The following FCRL5 variants were observed in gnomAD, a reference collection of about 807,000 sequenced individuals.
FCRL5 encodes the protein Fc receptor like 5.
FCRL5 carries 79 observed loss-of-function variants against 92.1 expected under a neutral mutation model. The observed-to-expected ratio is 0.86, with a 90% CI of 0.72 to 1.03. FCRL5 has a LOEUF of 1.03. Among genes scored for constraint, FCRL5 ranks in the 50% least tolerant of loss-of-function variants. The probability of loss-of-function intolerance (pLI) is 0.00; values close to 1 mark genes in which losing one functional copy is unlikely to be tolerated. For missense variants in FCRL5, 1,160 were observed against 1,181.1 expected (o/e 0.98, Z 0.26); for synonymous variants, 466 against 469.3 (o/e 0.99, Z 0.09).
intron 3 of FCRL5, 120 bp downstream of exon 3, chr1:157,546,823 C>A (rs1488378317): frequency 1.4e-5 from 17 of 1,256,770 alleles, no homozygotes; most frequent in Non-Finnish European, 1.8e-5. Flanking sequence ...CCTTGTCTTA[C>A]CACAGTGTGA....
intron 2 of FCRL5, 124 bp downstream of exon 2, chr1:157,549,435 TA>T (rs940704573): frequency 1.3e-4 from 115 of 882,240 alleles, no homozygotes; most frequent in African/African-American, 2.2e-4. Context: ...TAAAGTATAA[TA>T]AAAAAAAGGA....
Position 157,534,737 on chromosome 1 carries a change from G to C in FCRL5, c.1558C>G (p.Pro520Ala), listed in dbSNP as rs371345061. 10 of 1,614,010 alleles carry C rather than the reference G, an allele frequency of 6.2e-6. No homozygotes were observed. Among genetic ancestry groups the C allele is most frequent in the Non-Finnish European group, 7.6e-6 (9 of 1,180,022 alleles). ...CTGAAGGACACTCTTCCCACAGAGG[G>C]TGTTGAGCTGCTCCACAGGGGCATG... ...EDMPLWSSST[P>A]SVGRVSFSFS... The change falls in exon 8 of 17, where the codon CCC becomes GCC. Residue 520 changes from proline to alanine, a missense_variant. Coordinates refer to ENST00000361835, the MANE Select transcript of FCRL5 (RefSeq NM_031281.3).
chr1:157,539,234 A>C lies in FCRL5; in HGVS notation c.1254T>G (p.Gly418=). Residue 418 remains glycine (G), a synonymous_variant, in exon 7 of 17, where the codon GGT becomes GGG. Coordinates refer to ENST00000361835, the MANE Select transcript of FCRL5 (RefSeq NM_031281.3). ...LPILYQFHHE[G]AALERRSANS... ...TGGCCGACCTACGCTCCAGGGCAGC[A>C]CCCTCATGATGAAACTGGTACAGGA... 1 of 1,614,218 alleles carries C rather than the reference A, an allele frequency of 6.2e-7. No homozygotes were observed. The highest frequency in any genetic ancestry group is 1.1e-5 in the South Asian group (1 of 91,086).
intron 5 of FCRL5, 137 bp from the exon 6 acceptor site, chr1:157,543,274 C>T: frequency 1.3e-6 from 1 of 782,118 alleles, no homozygotes; most frequent in Admixed American, 2.8e-5. Flanking sequence ...CTTACCTGCA[C>T]CTGCTTCTTG....
chr1:157,518,666 A>G (rs1444185170), intron 14 of FCRL5, 34 bp downstream of exon 14: 5 of 1,590,124 alleles, frequency 3.1e-6, no homozygotes, highest in Admixed American at 1.7e-5. Context: ...CCAGCCCTCC[A>G]GCTTCTGCCA....
chr1:157,546,954 T>G lies in FCRL5; in HGVS notation c.296A>C (p.Asp99Ala). 6.2e-7 allele frequency: 1 copy of G among 1,611,844 alleles called. No homozygotes were observed. The highest frequency in any genetic ancestry group is 8.5e-7 in the Non-Finnish European group (1 of 1,178,666). ...TCACGCTCTCTCACCTGAAGAAAAA[T>G]CCAAGTGCACAGGGCTACTGAGAGG... ...GSPLSSPVHL[D>A]FSSASLILQA... The change falls in exon 3 of 17, where the codon GAT becomes GCT. Residue 99 changes from aspartate (D) to alanine (A), a missense_variant. Transcript: ENST00000361835.
At chr1:157,520,346 A>G in intron 12 of FCRL5, 85 bp downstream of exon 12, 3 of 926,362 alleles carry the variant, frequency 3.2e-6, no homozygotes. Context: ...CGAGCCTGGG[A>G]TGGTCACAAA....
rs1053159933 is a variant in FCRL5 at position 157,515,675 on chromosome 1, T to C, written c.2934A>G (p.Ter978TrpextTer66). ...ACAGCAGTTGGAGAGACGTGTGGAC[T>C]CATCTGTGAGGAGCTGAGGAAGCCA... Reference protein sequence around the residue: ...LFLASSAPHR* With the variant: ...LFLASSAPHRW Residue 978 changes from the stop codon to tryptophan (W), a stop_lost, in exon 17 of 17, where the codon TGA (stop) becomes TGG (tryptophan). Transcript: ENST00000361835. The C allele has an allele frequency of 1.9e-6, 3 of 1,614,074 alleles. No individual in the cohort carries two copies. Among genetic ancestry groups the C allele is most frequent in the Non-Finnish European group, 2.5e-6 (3 of 1,180,040 alleles).
intron 15 of FCRL5, among the ~76,000 whole-genome samples, chr1:157,518,080 A>G (rs2101591121): frequency 1.3e-5 from 2 of 152,316 alleles, no homozygotes; most frequent in South Asian, 4.1e-4. Context: ...TCTTTAAGTC[A>G]CCTAGTTTAT....
intron 6 of FCRL5, 176 bp downstream of exon 6, chr1:157,542,683 G>A (rs1651321608): frequency 9.1e-6 from 7 of 765,368 alleles, no homozygotes; most frequent in South Asian, 4.1e-5. Context: ...AGACTGCAAT[G>A]CAACGAGACT....
intron 3 of FCRL5, chr1:157,546,248 C>T (rs1236528470): frequency 1.1e-5 from 5 of 454,114 alleles, no homozygotes; most frequent in South Asian, 7.8e-5. Context: ...AGGAGTTCAA[C>T]ATTAGCCTGG....
At chr1:157,541,910 A>C (rs1301185148) in intron 6 of FCRL5, 1 of 152,298 alleles carries the variant, frequency 6.6e-6, no homozygotes, top group Non-Finnish European at 1.5e-5. Context: ...TCATGATGTC[A>C]CTGTCTCCAC....
chr1:157,552,255 A>G lies in FCRL5; in HGVS notation c.31+77T>C, dbSNP rs570212636. 58 of 1,454,126 alleles carry G rather than the reference A, an allele frequency of 4.0e-5. No homozygotes were observed. In the African/African-American group the frequency reaches 7.5e-4, roughly 19 times the overall value. The allele number at this position is 1,454,126 out of a possible 1,614,324, so 90.1% of individuals were successfully genotyped here. On this transcript the variant is annotated intron_variant, in intron 1 of 16. Coordinates refer to ENST00000361835, the MANE Select transcript of FCRL5 (RefSeq NM_031281.3). The stretch of plus-strand genomic sequence containing the variant: ...GTCTCTCAGCAGGGGCTGAGCCCCA[A>G]GAAAGGACCAGGCCTGCGGTGGAGA...
chr1:157,515,928 T>C lies in FCRL5; in HGVS notation c.2813-55A>G. 3.7e-6 allele frequency: 6 copies of C among 1,604,160 alleles called. No individual in the cohort carries two copies. In the South Asian group the frequency reaches 4.4e-5, roughly 12 times the overall value. On this transcript the variant is annotated intron_variant, in intron 15 of 16. Transcript: ENST00000361835. ...GAAGACTGGCATGGGGCTCTTCCCTTGTGCCTGCGCTGTGGGGCCAGCCCT... is the reference window on the plus strand; with the variant it reads ...GAAGACTGGCATGGGGCTCTTCCCTCGTGCCTGCGCTGTGGGGCCAGCCCT...
intron 8 of FCRL5, chr1:157,532,805 T>C (rs183367340): frequency 7.2e-5 from 11 of 152,200 alleles, no homozygotes; most frequent in Admixed American, 6.5e-4. Flanking sequence ...GAGTCTAATA[T>C]GCAGCCAGGG....
chr1:157,546,414 C>T (rs1651538812), intron 3 of FCRL5: 16 of 324,546 alleles, frequency 4.9e-5, no homozygotes, highest in South Asian at 3.9e-4. Context: ...CGCCACTGCA[C>T]TCCAGCCTGG....
intron 8 of FCRL5, chr1:157,531,933 TTATAA>T (rs1244737745): frequency 5.3e-5 from 8 of 152,152 alleles, no homozygotes; most frequent in Admixed American, 1.3e-4. Flanking sequence ...TAATGGTCAG[TTATAA>T]TATATTACAA....
Position 157,515,644 on chromosome 1 carries a change from G to A in FCRL5, c.*31C>T. The stretch of plus-strand genomic sequence containing the variant: ...CCAAGGGGAACTTTGGGGTGCAGAG[G>A]CTGAAACAGCAGTTGGAGAGACGTG... On this transcript the variant is annotated 3_prime_UTR_variant, in exon 17 of 17. Coordinates refer to ENST00000361835, the MANE Select transcript of FCRL5 (RefSeq NM_031281.3). The A allele has an allele frequency of 6.2e-7, 1 of 1,614,202 alleles. No homozygotes were observed. Among genetic ancestry groups the A allele is most frequent in the Non-Finnish European group, 8.5e-7 (1 of 1,180,034 alleles).
intron 8 of FCRL5, chr1:157,532,114 A>C (rs925353064): frequency 6.6e-6 from 1 of 152,244 alleles, no homozygotes; most frequent in African/African-American, 2.4e-5. Flanking sequence ...TGTGTCAATT[A>C]AGACGAAAAG....
Sources: allele counts gnomAD v4.1 joint callset (sites outside exome capture counted in the v4.1 genomes callset), GRCh38; gene constraint gnomAD v4.1.1; transcripts MANE v1.5; gene names NCBI Gene and HGNC (gene_info 2026-07-23, HGNC 2026-07-21).